Variants in BANF2 observed in about 807,000 individuals in gnomAD.
The protein encoded by BANF2 is barrier-to-autointegration factor-like protein.
In BANF2, 4 loss-of-function variants were observed where a neutral mutation model predicts 8.0. That is an observed-to-expected ratio of 0.50 (90% CI 0.25 to 1.14). BANF2 has a LOEUF of 1.14. Ranked by LOEUF, BANF2 falls within the 50% of genes most tolerant of loss-of-function variation. The probability of loss-of-function intolerance (pLI) is 0.16; values close to 1 mark genes in which losing one functional copy is unlikely to be tolerated. For missense variants in BANF2, 96 were observed against 107.5 expected (o/e 0.89, Z 0.47); for synonymous variants, 50 against 40.6 (o/e 1.23, Z -0.88).
upstream of BANF2, among the ~76,000 whole-genome samples, chr20:17,696,029 A>G (rs975230795): frequency 9.2e-5 from 14 of 152,220 alleles, no homozygotes; most frequent in Non-Finnish European, 1.8e-4. Context: ...TTGCTGATTA[A>G]TATTTCATTA....
intron 1 of BANF2, among the ~76,000 whole-genome samples, chr20:17,708,627 C>T (rs2037523115): frequency 6.6e-6 from 1 of 152,152 alleles, no homozygotes; most frequent in Non-Finnish European, 1.5e-5. Context: ...TTTATCAGCG[C>T]CCTTGCACTG....
chr20:17,705,768 C>T (rs2037473130), intron 1 of BANF2, among the ~76,000 whole-genome samples: 1 of 152,250 alleles, frequency 6.6e-6, no homozygotes, highest in Non-Finnish European at 1.5e-5. Flanking sequence ...GCAACTAGTT[C>T]ATGCTGGGAT....
chr20:17,723,980 A>G (rs1427107909), intron 2 of BANF2, among the ~76,000 whole-genome samples: 10 of 152,210 alleles, frequency 6.6e-5, no homozygotes, highest in Non-Finnish European at 1.3e-4. Context: ...GGGCAACAAG[A>G]GCGAAACTTC....
At chr20:17,710,748 C>T (rs1428522652) in intron 1 of BANF2, among the ~76,000 whole-genome samples, 2 of 152,214 alleles carry the variant, frequency 1.3e-5, no homozygotes, top group African/African-American at 4.8e-5. Context: ...AGCTTCGAGC[C>T]TCGTCAGTCT....
upstream of BANF2, among the ~76,000 whole-genome samples, chr20:17,695,995 T>C (rs563322428): frequency 3.9e-5 from 6 of 152,362 alleles, no homozygotes; most frequent in South Asian, 2.1e-4. Context: ...TCATCATATA[T>C]GCATCAAGAG....
chr20:17,697,841 A>G (rs1211992656), upstream of BANF2, among the ~76,000 whole-genome samples: 1 of 152,156 alleles, frequency 6.6e-6, no homozygotes, highest in African/African-American at 2.4e-5. Context: ...TCCTGGGGGC[A>G]GATCCCTCAT....
chr20:17,707,957 T>G (rs2122583413), intron 1 of BANF2, among the ~76,000 whole-genome samples: 1 of 151,146 alleles, frequency 6.6e-6, no homozygotes, highest in East Asian at 2.0e-4. Flanking sequence ...ATCCTAGCAT[T>G]TTGGGAGGCC....
At chr20:17,733,997 G>A (rs1568822297) in intron 3 of BANF2, among the ~76,000 whole-genome samples, 1 of 152,214 alleles carries the variant, frequency 6.6e-6, no homozygotes, top group Non-Finnish European at 1.5e-5. Context: ...GCTGGTTCTT[G>A]TTGGTTCCAG....
At chr20:17,717,343 T>A (rs928471750) in intron 1 of BANF2, among the ~76,000 whole-genome samples, 2 of 152,150 alleles carry the variant, frequency 1.3e-5, no homozygotes, top group African/African-American at 2.4e-5. Flanking sequence ...TCTGTTTTCC[T>A]ATAAATCTGC....
At chr20:17,699,960 G>A (rs909415231), upstream of BANF2, 4 of 984,562 alleles carry the variant, frequency 4.1e-6, no homozygotes, top group Non-Finnish European at 4.8e-6. Context: ...TTTGCCCCAT[G>A]GGCCTAAGAC....
rs2037902359 is a variant in BANF2, at chr20:17,731,910, C to CA, written c.127-3749dup. ...TGAAACCCTGTCTCTACTGAAAATACAAAAAATTATCCAAGCGTGGTGGCA... is the reference window on the plus strand; with the variant it reads ...TGAAACCCTGTCTCTACTGAAAATACAAAAAAATTATCCAAGCGTGGTGGCA... On this transcript the variant is annotated intron_variant, in intron 3 of 3. Transcript: ENST00000246090. Among the ~76,000 whole-genome samples the CA allele has an allele frequency of 3.3e-5, 5 of 151,242 alleles. No individual in the cohort carries two copies. The South Asian group carries it at 1.0e-3, about 32-fold the overall frequency.
chr20:17,693,807 G>A (rs909307857), intron 1 of BANF2: 293 of 1,325,450 alleles, frequency 2.2e-4, no homozygotes, highest in Non-Finnish European at 2.7e-4. Context: ...GTGTCCAGTG[G>A]GAGGAGGTGC....
In BANF2 at chr20:17,702,673, A is replaced by T. The variant is rs528933335; in HGVS notation, c.-167+2618A>T. Among the ~76,000 whole-genome samples the T allele has an allele frequency of 6.0e-4, 91 of 152,296 alleles. 1 individual carries two copies. Among genetic ancestry groups the T allele is most frequent in the South Asian group, 2.9e-3 (14 of 4,824 alleles). On this transcript the variant is annotated intron_variant, in intron 1 of 3. Coordinates refer to ENST00000246090, the MANE Select transcript of BANF2 (RefSeq NM_178477.5). Reference sequence around the variant, plus strand: ...CCCACTGTTGGGCTGGAAAAGCCTCATTTAACCCTGGGGAAAACTGGAACC... The same window carrying T: ...CCCACTGTTGGGCTGGAAAAGCCTCTTTTAACCCTGGGGAAAACTGGAACC...
chr20:17,698,385 A>G (rs770211694), upstream of BANF2, among the ~76,000 whole-genome samples: 4 of 152,140 alleles, frequency 2.6e-5, no homozygotes, highest in Non-Finnish European at 5.9e-5. Flanking sequence ...CAGCCTGCAG[A>G]ACTGTGAGCC....
chr20:17,722,336 A>T (rs1007590061), intron 1 of BANF2, among the ~76,000 whole-genome samples: 3 of 152,228 alleles, frequency 2.0e-5, no homozygotes, highest in Non-Finnish European at 4.4e-5. Context: ...CTTAGATTTC[A>T]TAGGCAGAGA....
intron 1 of BANF2, among the ~76,000 whole-genome samples, chr20:17,694,643 G>A (rs1236674749): frequency 2.4e-5 from 2 of 81,750 alleles, no homozygotes; most frequent in Admixed American, 1.7e-4. Flanking sequence ...TATTGAGACA[G>A]GGTCTTGCTT....
intron 1 of BANF2, among the ~76,000 whole-genome samples, chr20:17,704,181 G>A (rs1041147880): frequency 2.0e-5 from 3 of 152,210 alleles, no homozygotes; most frequent in African/African-American, 7.2e-5. Context: ...CCTGGTGGGT[G>A]GGCAGGATGT....
chr20:17,702,295 C>T (rs1019440075), intron 1 of BANF2, among the ~76,000 whole-genome samples: 1 of 152,230 alleles, frequency 6.6e-6, no homozygotes. Context: ...ATGCTGAACT[C>T]CCTGTGGGCC....
chr20:17,717,982 G>A (rs1356257227), intron 1 of BANF2, among the ~76,000 whole-genome samples: 1 of 152,016 alleles, frequency 6.6e-6, no homozygotes. Context: ...AACTTTTAGG[G>A]ATATAGATAA....
Sources: allele counts gnomAD v4.1 joint callset (sites outside exome capture counted in the v4.1 genomes callset), GRCh38; gene constraint gnomAD v4.1.1; transcripts MANE v1.5; gene names NCBI Gene and HGNC (gene_info 2026-07-23, HGNC 2026-07-21).